SMPX: variants seen among roughly 807,000 people sequenced by gnomAD.
The protein encoded by SMPX is small muscular protein.
Under a neutral mutation model 6.3 loss-of-function variants are expected in SMPX, and 2 were observed. The observed-to-expected ratio is 0.32, with a 90% confidence interval of 0.13 to 0.99. The LOEUF is 0.99. Among genes scored for constraint, SMPX ranks in the 50% least tolerant of loss-of-function variants. The pLI, the probability that SMPX is intolerant of heterozygous loss-of-function variation, is 0.49. For synonymous variants in SMPX, 32 were observed against 24.7 expected, an observed-to-expected ratio of 1.30 and a Z score of -0.88; for missense variants, 60 against 66.8, an observed-to-expected ratio of 0.90 and a Z score of 0.36.
At chrX:21,723,180 T>G (rs2092793580) in intron 4 of SMPX, among the ~76,000 whole-genome samples, 1 of 111,402 alleles carries the variant, frequency 9.0e-6, no homozygotes, top group Admixed American at 9.6e-5. Context: ...TAAGAACTTG[T>G]CAGAAATGCA....
In SMPX at chrX:21,737,581, G is replaced by A. The variant is rs753541174; in HGVS notation, c.249C>T (p.Val83=). The stretch of plus-strand genomic sequence containing the variant: ...CTTCCTACTACTGTTCAGCTTTGGG[G>A]ACATATTTTAGTTCACTTTTAATAT... ...IQNIKSELKY[V]PKAEQ Residue 83 remains valine, a synonymous_variant, in exon 4 of 5, where the codon GTC becomes GTT. Transcript: ENST00000379494. 4 of 1,204,329 alleles carry A rather than the reference G, an allele frequency of 3.3e-6. No individual in the cohort carries two copies. Among genetic ancestry groups the A allele is most frequent in the East Asian group, 5.9e-5 (2 of 33,746 alleles).
intron 4 of SMPX, among the ~76,000 whole-genome samples, chrX:21,714,895 T>C (rs1394342051): frequency 8.9e-6 from 1 of 112,376 alleles, no homozygotes; most frequent in Non-Finnish European, 1.9e-5. Context: ...TACATAATTA[T>C]ACATTTCATG....
At chrX:21,755,684 G>T (rs768457942) in intron 1 of SMPX, among the ~76,000 whole-genome samples, 1 of 111,844 alleles carries the variant, frequency 8.9e-6, no homozygotes, top group African/African-American at 3.2e-5. Flanking sequence ...AAAGTCTTAG[G>T]CTCTATTATG....
chrX:21,718,838 A>C (rs1254677510), intron 4 of SMPX, among the ~76,000 whole-genome samples: 2 of 112,309 alleles, frequency 1.8e-5, no homozygotes, highest in Non-Finnish European at 3.8e-5. Context: ...TGACTAGTTA[A>C]GCTGAGCAGA....
At chrX:21,732,274 A>G (rs1301472664) in intron 4 of SMPX, among the ~76,000 whole-genome samples, 1 of 112,205 alleles carries the variant, frequency 8.9e-6, no homozygotes, top group Non-Finnish European at 1.9e-5. Context: ...ATTCTTGAAT[A>G]CTAAGTTTTC....
intron 2 of SMPX, among the ~76,000 whole-genome samples, chrX:21,748,309 A>C (rs1005496484): frequency 1.2e-4 from 13 of 112,048 alleles, no homozygotes; most frequent in Non-Finnish European, 2.4e-4. Context: ...TTCACCCATG[A>C]TGTTTCATAT....
In SMPX at chrX:21,706,119, G is replaced by A. The variant is rs1258902593; in HGVS notation, c.*290C>T. 3.9e-6 allele frequency: 2 copies of A among 511,396 alleles called. No homozygotes were observed. Among genetic ancestry groups the A allele is most frequent in the Non-Finnish European group, 7.0e-6 (2 of 286,405 alleles). 42.1% of individuals were successfully genotyped at this position (511,396 alleles called of 1,213,427 possible). A position where few individuals can be genotyped will look rare whatever the true frequency, so the allele number is the denominator to read the frequency against. ...GGGAAACTTTTCATCAAAATCGTTAGGCACATTGCCATATCATTCTCCATA... is the reference window on the plus strand; with the variant it reads ...GGGAAACTTTTCATCAAAATCGTTAAGCACATTGCCATATCATTCTCCATA... On this transcript the variant is annotated 3_prime_UTR_variant, in exon 5 of 5. Coordinates refer to ENST00000379494, the MANE Select transcript of SMPX (RefSeq NM_014332.3).
chrX:21,756,677 G>A (rs188213000), intron 1 of SMPX, among the ~76,000 whole-genome samples: 137 of 112,442 alleles, frequency 1.2e-3, no homozygotes, highest in African/African-American at 2.3e-3. Flanking sequence ...TGTAGAGTGC[G>A]GAACACACCT....
chrX:21,711,400 T>C (rs1569303095), intron 4 of SMPX, among the ~76,000 whole-genome samples: 1 of 112,038 alleles, frequency 8.9e-6, no homozygotes, highest in East Asian at 2.8e-4. Context: ...TGTTCTCCTG[T>C]ATGGGGACAT....
chrX:21,745,531 G>A lies in SMPX; in HGVS notation c.46-1695C>T, dbSNP rs139357125. Among the ~76,000 whole-genome samples, 198 of 111,993 alleles carry A rather than the reference G, an allele frequency of 1.8e-3. 1 individual carries two copies. Among genetic ancestry groups the A allele is most frequent in the African/African-American group, 5.9e-3 (181 of 30,844 alleles). ...ATAATGGTATTTTACAATTGACAGT[G>A]TCTTAGATTGGATGAAATATCATAG... On this transcript the variant is annotated intron_variant, in intron 2 of 4. Transcript: ENST00000379494.
intron 4 of SMPX, among the ~76,000 whole-genome samples, chrX:21,725,585 A>C (rs1395563502): frequency 1.8e-5 from 2 of 112,387 alleles, no homozygotes; most frequent in African/African-American, 6.5e-5. Context: ...GAAAATGCTA[A>C]AGTGAAATGT....
chrX:21,708,785 G>A (rs1488715352), intron 4 of SMPX, among the ~76,000 whole-genome samples: 1 of 112,548 alleles, frequency 8.9e-6, no homozygotes, highest in African/African-American at 3.2e-5. Flanking sequence ...CATTTTAAGT[G>A]TATAATACAT....
chrX:21,750,350 A>G (rs1044497935), intron 2 of SMPX, among the ~76,000 whole-genome samples: 1 of 111,862 alleles, frequency 8.9e-6, no homozygotes, highest in Non-Finnish European at 1.9e-5. Context: ...TTGGCAATCT[A>G]TAGTCCGCGG....
At chrX:21,741,831 G>A (rs758677161) in intron 3 of SMPX, among the ~76,000 whole-genome samples, 29 of 111,982 alleles carry the variant, frequency 2.6e-4, no homozygotes, top group African/African-American at 9.1e-4. Flanking sequence ...TGTCTTTGTG[G>A]ATACATCACT....
At chrX:21,743,415 G>A (rs2092818081) in intron 3 of SMPX, among the ~76,000 whole-genome samples, 1 of 88,397 alleles carries the variant, frequency 1.1e-5, no homozygotes, top group Non-Finnish European at 2.1e-5. Flanking sequence ...CCACACACAC[G>A]TGCACACACA....
chrX:21,708,338 A>C (rs1300734561), intron 4 of SMPX, among the ~76,000 whole-genome samples: 1 of 112,337 alleles, frequency 8.9e-6, no homozygotes, highest in Non-Finnish European at 1.9e-5. Flanking sequence ...CATGGGACCC[A>C]GTTCTGGCCA....
intron 4 of SMPX, among the ~76,000 whole-genome samples, chrX:21,725,763 C>G (rs2092796237): frequency 8.9e-6 from 1 of 112,084 alleles, no homozygotes; most frequent in South Asian, 3.7e-4. Flanking sequence ...AGAAAGAGAT[C>G]CTCCCAGATG....
At chrX:21,725,860 T>C (rs2092796344) in intron 4 of SMPX, among the ~76,000 whole-genome samples, 1 of 111,899 alleles carries the variant, frequency 8.9e-6, no homozygotes, top group Non-Finnish European at 1.9e-5. Context: ...TCATATTCGC[T>C]GGGGAAATGT....
intron 4 of SMPX, among the ~76,000 whole-genome samples, chrX:21,711,765 T>G (rs1227162235): frequency 8.9e-6 from 1 of 111,745 alleles, no homozygotes; most frequent in Non-Finnish European, 1.9e-5. Context: ...GATTACTTCC[T>G]CCTATGTGGT....
Sources: gnomAD v4.1 joint callset for allele counts (sites outside exome capture counted in the v4.1 genomes callset) on GRCh38, gnomAD v4.1.1 for gene constraint, MANE v1.5 for transcripts, NCBI Gene and HGNC (gene_info 2026-07-23, HGNC 2026-07-21) for gene names.